The following MED13L variants were observed in gnomAD, a reference collection of about 807,000 sequenced individuals.
The protein encoded by MED13L is mediator of RNA polymerase II transcription subunit 13-like.
MED13L carries 7 observed loss-of-function variants against 220.9 expected under a neutral mutation model. That is an observed-to-expected ratio of 0.03 (90% CI 0.02 to 0.06). The LOEUF is 0.06. MED13L is among the 10% of genes least tolerant of loss of function. MED13L has a pLI of 1.00. For synonymous variants in MED13L, 1,011 were observed against 1,015.2 expected (o/e 1.00, Z 0.08); for missense variants, 1,965 against 2,760.5 (o/e 0.71, Z 6.46).
intron 17 of MED13L, among the ~76,000 whole-genome samples, chr12:115,987,903 T>C (rs1283772284): frequency 6.6e-6 from 1 of 152,192 alleles, no homozygotes; most frequent in Non-Finnish European, 1.5e-5. Flanking sequence ...GTCCCAGCAG[T>C]CGCCCTGGGG....
chr12:116,274,741 T>TA (rs958234751), intron 1 of MED13L, among the ~76,000 whole-genome samples: 109 of 147,806 alleles, frequency 7.4e-4, no homozygotes, highest in Admixed American at 1.3e-3. Flanking sequence ...TACGTTCCTT[T>TA]AAAAAAAAAA....
rs1350433526 is a variant in MED13L at position 115,960,582 on chromosome 12, T to C, written c.*684A>G. On this transcript the variant is annotated 3_prime_UTR_variant, in exon 31 of 31. Coordinates refer to ENST00000281928, the MANE Select transcript of MED13L (RefSeq NM_015335.5). ...CAAAGAATCCTATGGTGGATCTGAA[T>C]TGGGTTTCAGCTACTGTACCTGGTC... The C allele has an allele frequency of 1.3e-5, 2 of 154,798 alleles. No individual in the cohort carries two copies. Among genetic ancestry groups the C allele is most frequent in the African/African-American group, 4.8e-5 (2 of 41,448 alleles). 9.6% of individuals were successfully genotyped at this position (154,798 alleles called of 1,614,324 possible).
Position 116,098,773 on chromosome 12 carries a change from TA to T in MED13L, c.396-2022del, listed in dbSNP as rs566823225. On this transcript the variant is annotated intron_variant, in intron 3 of 30. Transcript: ENST00000281928. ...ATCTCTTTTCCTAAGCTTATAAGTT[TA>T]AAAAAAAATGCTTTTTAGGGGTAAG... Among the ~76,000 whole-genome samples the T allele has an allele frequency of 6.7e-4, 101 of 151,420 alleles. No homozygotes were observed. The East Asian group carries it at 0.017, about 26-fold the overall frequency.
intron 9 of MED13L, among the ~76,000 whole-genome samples, chr12:116,012,293 C>T (rs372223868): frequency 1.6e-3 from 242 of 152,252 alleles, no homozygotes; most frequent in Middle Eastern, 0.01. Flanking sequence ...AATCTGAGGA[C>T]GTATCCAAAG....
chr12:116,080,646 A>G (rs959711105), intron 4 of MED13L, among the ~76,000 whole-genome samples: 9 of 152,234 alleles, frequency 5.9e-5, no homozygotes, highest in Admixed American at 4.6e-4. Context: ...GAAGTCAAAT[A>G]TTTGTGAAAC....
chr12:116,275,044 C>T (rs1873698142), intron 1 of MED13L, among the ~76,000 whole-genome samples: 1 of 150,402 alleles, frequency 6.6e-6, no homozygotes, highest in Non-Finnish European at 1.5e-5. Context: ...ACTGGCTATA[C>T]ATATACTTTC....
chr12:116,225,364 T>C (rs1375050427), intron 2 of MED13L, among the ~76,000 whole-genome samples: 2 of 152,210 alleles, frequency 1.3e-5, no homozygotes, highest in African/African-American at 4.8e-5. Context: ...GTGATGAGGA[T>C]AACTGCTCCC....
At chr12:116,215,766 A>T (rs1882955124) in intron 2 of MED13L, among the ~76,000 whole-genome samples, 3 of 152,174 alleles carry the variant, frequency 2.0e-5, no homozygotes, top group Admixed American at 2.0e-4. Context: ...AAAATACACA[A>T]AACACCAATT....
intron 2 of MED13L, among the ~76,000 whole-genome samples, chr12:116,168,545 T>G (rs1240420664): frequency 6.6e-6 from 1 of 152,192 alleles, no homozygotes; most frequent in Non-Finnish European, 1.5e-5. Context: ...GCTTAGCTTC[T>G]CAGGTACCAA....
intron 13 of MED13L, among the ~76,000 whole-genome samples, chr12:116,005,355 G>A (rs1266004455): frequency 2.0e-5 from 3 of 152,098 alleles, no homozygotes; most frequent in African/African-American, 4.8e-5. Flanking sequence ...CATTTTAATT[G>A]TATGCTGCCT....
At chr12:116,229,645 T>C (rs1446465907) in intron 2 of MED13L, among the ~76,000 whole-genome samples, 1 of 152,222 alleles carries the variant, frequency 6.6e-6, no homozygotes, top group Non-Finnish European at 1.5e-5. Flanking sequence ...TTTACCTTAA[T>C]AATTTTATCT....
intron 1 of MED13L, among the ~76,000 whole-genome samples, chr12:116,245,246 T>A (rs776269709): frequency 6.6e-6 from 1 of 152,112 alleles, no homozygotes; most frequent in Non-Finnish European, 1.5e-5. Context: ...CCAGTCTTCA[T>A]CCCTCAGAAA....
chr12:116,154,646 T>C (rs914506819), intron 2 of MED13L, among the ~76,000 whole-genome samples: 1 of 152,178 alleles, frequency 6.6e-6, no homozygotes. Flanking sequence ...CGAGACACAT[T>C]AGTAACTCAA....
chr12:115,972,522 A>C, intron 25 of MED13L: 1 of 404,504 alleles, frequency 2.5e-6, no homozygotes, highest in South Asian at 2.1e-5. Flanking sequence ...GACCAGATTT[A>C]GGCACTTAGA....
intron 2 of MED13L, among the ~76,000 whole-genome samples, chr12:116,227,124 T>C (rs1214561222): frequency 6.6e-6 from 1 of 152,072 alleles, no homozygotes; most frequent in Non-Finnish European, 1.5e-5. Flanking sequence ...TATACATCAG[T>C]TTAGTCTATT....
At chr12:116,044,715 C>T (rs187614490) in intron 4 of MED13L, among the ~76,000 whole-genome samples, 31 of 152,308 alleles carry the variant, frequency 2.0e-4, no homozygotes, top group African/African-American at 7.5e-4. Context: ...CCGGAAAAGT[C>T]ACATCAAAGA....
At position 116,096,583 on chromosome 12, in the gene MED13L, T is replaced by C. The variant is rs1168362193; in HGVS notation, c.479+86A>G. ...TTGAGTATATCTAAACTACTAACAT[T>C]ATTAGGAAATAAATAAATCAATAAG... On this transcript the variant is annotated intron_variant, in intron 4 of 30. Transcript: ENST00000281928. 3.1e-6 allele frequency: 3 copies of C among 964,722 alleles called. No individual in the cohort carries two copies. The Admixed American group carries it at 5.2e-5, about 17-fold the overall frequency. 59.8% of individuals were successfully genotyped at this position (964,722 alleles called of 1,614,324 possible). A position where few individuals can be genotyped will look rare whatever the true frequency, so the allele number is the denominator to read the frequency against.
intron 4 of MED13L, among the ~76,000 whole-genome samples, chr12:116,057,608 T>C (rs1462512232): frequency 6.6e-6 from 1 of 150,948 alleles, no homozygotes; most frequent in Non-Finnish European, 1.5e-5. Flanking sequence ...TACTAGATAA[T>C]CTTAATCTAC....
At chr12:115,980,384 T>C (rs760165736) in intron 23 of MED13L, 5 of 257,424 alleles carry the variant, frequency 1.9e-5, no homozygotes, top group African/African-American at 8.9e-5. Flanking sequence ...GAAGTGGTTA[T>C]GTGATCACAG....
Sources: gnomAD v4.1 joint callset for allele counts (sites outside exome capture counted in the v4.1 genomes callset) on GRCh38, gnomAD v4.1.1 for gene constraint, MANE v1.5 for transcripts, NCBI Gene and HGNC (gene_info 2026-07-23, HGNC 2026-07-21) for gene names.